Variants in EPB41L3 observed in about 807,000 individuals in gnomAD.
EPB41L3 encodes erythrocyte membrane protein band 4.1 like 3.
A neutral mutation model predicts 127.1 loss-of-function variants in EPB41L3; 57 were observed. That is an observed-to-expected ratio of 0.45 (90% confidence interval 0.36 to 0.56). The LOEUF (loss-of-function observed/expected upper bound fraction) is 0.56. EPB41L3 is among the 20% of genes least tolerant of loss of function. The pLI is 0.00. For synonymous variants in EPB41L3, 572 were observed against 549.5 expected, an observed-to-expected ratio of 1.04 and a Z score of -0.57; for missense variants, 1,273 against 1,372.2, an observed-to-expected ratio of 0.93 and a Z score of 1.14.
chr18:5,448,371 T>A (rs1480488847), intron 3 of EPB41L3, among the ~76,000 whole-genome samples: 1 of 152,194 alleles, frequency 6.6e-6, no homozygotes. Context: ...CCAGATGATT[T>A]TTTTTTCTAG....
intron 1 of EPB41L3, among the ~76,000 whole-genome samples, chr18:5,498,770 C>T (rs528016018): frequency 2.6e-5 from 4 of 151,962 alleles, no homozygotes; most frequent in South Asian, 4.2e-4. Flanking sequence ...TATGTTAAAC[C>T]GAATCCTGGA....
At position 5,489,089 on chromosome 18, in the gene EPB41L3, G is replaced by T. The variant is rs926296934; in HGVS notation, c.95C>A (p.Pro32His). 2 of 1,594,722 alleles carry T rather than the reference G, an allele frequency of 1.3e-6. No homozygotes were observed. Among genetic ancestry groups the T allele is most frequent in the Non-Finnish European group, 1.7e-6 (2 of 1,174,354 alleles). Residue 32 changes from proline to histidine, a missense_variant, in exon 2 of 23, where the codon CCC becomes CAC. Pro to His is a moderately conservative substitution (Grantham distance 77, BLOSUM62 -2). This residue lies in a region of EPB41L3 where 182 missense variants were observed against 149.2 expected (regional missense o/e 1.22). Transcript: ENST00000341928. ...CTCCTCCTTGGGCGGCTCCGGCACG[G>T]GCGCCCCCGCGCGCCCCTGCGCCCC... ...AAGAQGRAGA[P>H]VPEPPKEEQQ...
upstream of EPB41L3, among the ~76,000 whole-genome samples, chr18:5,629,579 G>A (rs992606861): frequency 6.6e-6 from 1 of 152,138 alleles, no homozygotes; most frequent in Non-Finnish European, 1.5e-5. Context: ...TGCGAGGTTC[G>A]CACCTTCCCG....
At chr18:5,402,427 A>G (rs1460219727) in intron 16 of EPB41L3, among the ~76,000 whole-genome samples, 1 of 152,142 alleles carries the variant, frequency 6.6e-6, no homozygotes, top group Non-Finnish European at 1.5e-5. Flanking sequence ...TTCCTAAGAT[A>G]AAAGCTTCAC....
At chr18:5,469,430 C>T (rs1033926415) in intron 3 of EPB41L3, among the ~76,000 whole-genome samples, 3 of 152,330 alleles carry the variant, frequency 2.0e-5, no homozygotes, top group Non-Finnish European at 4.4e-5. Flanking sequence ...GCTGTCTGCC[C>T]CGCCATAGCA....
intron 3 of EPB41L3, among the ~76,000 whole-genome samples, chr18:5,470,454 A>G (rs1568319375): frequency 6.6e-6 from 1 of 152,226 alleles, no homozygotes; most frequent in East Asian, 1.9e-4. Flanking sequence ...AAGAAGAAAA[A>G]CCAACATGCA....
At chr18:5,541,654 C>A (rs1201332345) in intron 1 of EPB41L3, among the ~76,000 whole-genome samples, 1 of 152,198 alleles carries the variant, frequency 6.6e-6, no homozygotes, top group African/African-American at 2.4e-5. Context: ...AAATCCTGAT[C>A]TTTTATTTCA....
chr18:5,395,275 C>A lies in EPB41L3; in HGVS notation c.3073-128G>T. 4 of 822,962 alleles carry A rather than the reference C, an allele frequency of 4.9e-6. No homozygotes were observed. The East Asian group carries it at 7.6e-5, about 16-fold the overall frequency. The allele number at this position is 822,962 out of a possible 1,614,324, so 51.0% of individuals were successfully genotyped here. On this transcript the variant is annotated intron_variant, in intron 20 of 22. Coordinates refer to ENST00000341928, the MANE Select transcript of EPB41L3 (RefSeq NM_012307.5). ...GAGAATTGAAATTAGAGTTCTATGG[C>A]ACTTATTTCACATTTTTAATTCCAG...
At chr18:5,535,476 G>C (rs1289432413) in intron 1 of EPB41L3, among the ~76,000 whole-genome samples, 2 of 152,286 alleles carry the variant, frequency 1.3e-5, no homozygotes, top group African/African-American at 4.8e-5. Context: ...AGTTGTCACT[G>C]AGTAGCACAA....
chr18:5,567,995 A>G (rs1338320729), intron 3 of EPB41L3, among the ~76,000 whole-genome samples: 1 of 152,202 alleles, frequency 6.6e-6, no homozygotes, highest in Non-Finnish European at 1.5e-5. Flanking sequence ...AATATTTTCA[A>G]GCATAAAAAT....
Position 5,453,659 on chromosome 18 carries a change from C to T in EPB41L3, c.382-8415G>A, listed in dbSNP as rs60484117. ...TTCATTCTCTCCATCACCTATCTTC[C>T]TCAAATAGACCCCTGATTTTCTTTT... On this transcript the variant is annotated intron_variant, in intron 3 of 22. Transcript: ENST00000341928. Among the ~76,000 whole-genome samples the T allele has an allele frequency of 0.024, 3,707 of 152,222 alleles. 237 individuals carry two copies. In the East Asian group the frequency reaches 0.25, roughly 10 times the overall value.
intron 3 of EPB41L3, among the ~76,000 whole-genome samples, chr18:5,592,231 A>G (rs1412338634): frequency 6.6e-6 from 1 of 152,118 alleles, no homozygotes; most frequent in African/African-American, 2.4e-5. Context: ...CAGTGGCATG[A>G]TCTTGGCTCA....
At chr18:5,517,780 T>A (rs984293779) in intron 1 of EPB41L3, among the ~76,000 whole-genome samples, 6 of 152,104 alleles carry the variant, frequency 3.9e-5, no homozygotes, top group African/African-American at 1.4e-4. Flanking sequence ...TGTTTTCCCA[T>A]CAGCAGCATG....
At chr18:5,568,135 A>G (rs2094231082) in intron 3 of EPB41L3, among the ~76,000 whole-genome samples, 1 of 152,188 alleles carries the variant, frequency 6.6e-6, no homozygotes, top group Non-Finnish European at 1.5e-5. Flanking sequence ...GATGATGGAT[A>G]GAAAATTGCT....
upstream of EPB41L3, among the ~76,000 whole-genome samples, chr18:5,629,921 G>A (rs2094972791): frequency 6.6e-6 from 1 of 152,206 alleles, no homozygotes; most frequent in South Asian, 2.1e-4. Context: ...GCGCGGAGGG[G>A]TGGAGGCAAG....
At chr18:5,486,112 A>G (rs1246840865) in intron 2 of EPB41L3, among the ~76,000 whole-genome samples, 1 of 152,088 alleles carries the variant, frequency 6.6e-6, no homozygotes, top group Admixed American at 6.5e-5. Context: ...TATAATAATC[A>G]AAACAGCATG....
intron 1 of EPB41L3, among the ~76,000 whole-genome samples, chr18:5,511,391 GTTTTTTTTT>G (rs1190047630): frequency 3.3e-5 from 2 of 59,796 alleles, no homozygotes; most frequent in South Asian, 8.9e-4. Context: ...AGGTATTTTG[GTTTTTTTTT>G]TTTTTTTTTT....
upstream of EPB41L3, among the ~76,000 whole-genome samples, chr18:5,547,979 A>C (rs2093908339): frequency 6.6e-6 from 1 of 152,228 alleles, no homozygotes; most frequent in Admixed American, 6.5e-5. Context: ...TTGACGCTTG[A>C]GCAAACCCTA....
At chr18:5,551,615 G>T (rs2093966063) in intron 3 of EPB41L3, among the ~76,000 whole-genome samples, 1 of 152,114 alleles carries the variant, frequency 6.6e-6, no homozygotes, top group South Asian at 2.1e-4. Flanking sequence ...AGGTACTCAG[G>T]AGGCTAAGGT....
Sources: gnomAD v4.1 joint callset for allele counts (sites outside exome capture counted in the v4.1 genomes callset) on GRCh38, gnomAD v4.1.1 for gene constraint, gnomAD v4.1.1 regional missense constraint, MANE v1.5 for transcripts, NCBI Gene and HGNC (gene_info 2026-07-23, HGNC 2026-07-21) for gene names.